CFAP299: variants seen among roughly 807,000 people sequenced by gnomAD.
CFAP299 encodes the protein cilia and flagella associated protein 299.
In CFAP299, 21 loss-of-function variants were observed where a neutral mutation model predicts 27.0. The ratio of observed to expected loss-of-function variants is 0.78; its 90% CI spans 0.55 to 1.12. The LOEUF (loss-of-function observed/expected upper bound fraction) is 1.12, where lower values mean the gene tolerates loss of function less well. Among genes scored for constraint, CFAP299 ranks in the 50% most tolerant of loss-of-function variants. The pLI is 0.00. For synonymous variants in CFAP299, 104 were observed against 98.1 expected, an observed-to-expected ratio of 1.06 and a Z score of -0.36; for missense variants, 310 against 276.6, an observed-to-expected ratio of 1.12 and a Z score of -0.86.
chr4:80,358,142 T>C (rs530184043), intron 1 of CFAP299, among the ~76,000 whole-genome samples: 1 of 152,028 alleles, frequency 6.6e-6, no homozygotes, highest in Non-Finnish European at 1.5e-5. Context: ...CTGTAATTTA[T>C]GGTTTTGATT....
intron 2 of CFAP299, among the ~76,000 whole-genome samples, chr4:80,494,668 C>T (rs143378894): frequency 1.0e-3 from 153 of 152,228 alleles, no homozygotes; most frequent in African/African-American, 3.5e-3. Context: ...TTCTGTGGCA[C>T]GTTCTATAGG....
chr4:80,650,749 C>T (rs1740236810), intron 3 of CFAP299, among the ~76,000 whole-genome samples: 2 of 151,996 alleles, frequency 1.3e-5, no homozygotes, highest in South Asian at 4.1e-4. Context: ...TCTTTGTTTT[C>T]TTTTTTGTTA....
rs116585641 is a variant in CFAP299 at position 80,520,045 on chromosome 4, C to T, written c.243-63048C>T. 7.5e-3 allele frequency among the ~76,000 whole-genome samples: 1,143 copies of T among 152,214 alleles called. 13 individuals are homozygous for T. The highest frequency in any genetic ancestry group is 0.026 in the African/African-American group (1,095 of 41,520). ...ACATCTTCCTTGCCTCCCCTATCTCCGTTCTAGGCTAATACTAATTTGGAG... is the reference window on the plus strand; with the variant it reads ...ACATCTTCCTTGCCTCCCCTATCTCTGTTCTAGGCTAATACTAATTTGGAG... On this transcript the variant is annotated intron_variant, in intron 2 of 5. Transcript: ENST00000358105.
At chr4:80,615,672 G>A (rs1403525073) in intron 3 of CFAP299, among the ~76,000 whole-genome samples, 1 of 151,940 alleles carries the variant, frequency 6.6e-6, no homozygotes, top group Non-Finnish European at 1.5e-5. Flanking sequence ...AAGTAGCTGG[G>A]ATCCCAGGTG....
intron 2 of CFAP299, among the ~76,000 whole-genome samples, chr4:80,534,386 T>C (rs1283107999): frequency 2.0e-5 from 3 of 151,740 alleles, no homozygotes; most frequent in African/African-American, 7.2e-5. Context: ...AGATAACTTT[T>C]ACCACATAGT....
intron 3 of CFAP299, among the ~76,000 whole-genome samples, chr4:80,697,125 C>A (rs1721150717): frequency 2.0e-5 from 3 of 151,956 alleles, no homozygotes; most frequent in Admixed American, 2.0e-4. Context: ...AGGAGGATTG[C>A]TTGAACCTAG....
intron 3 of CFAP299, among the ~76,000 whole-genome samples, chr4:80,688,256 G>T (rs1264353377): frequency 6.6e-6 from 1 of 152,218 alleles, no homozygotes; most frequent in African/African-American, 2.4e-5. Context: ...CAAACAAAAA[G>T]ACAGCAGTAA....
chr4:80,782,556 GAT>G (rs1293794899), intron 3 of CFAP299, among the ~76,000 whole-genome samples: 5 of 137,634 alleles, frequency 3.6e-5, no homozygotes, highest in Non-Finnish European at 7.7e-5. Flanking sequence ...ATAACATATT[GAT>G]ATATAATATA....
At chr4:80,894,037 T>TA (rs890125935) in intron 4 of CFAP299, among the ~76,000 whole-genome samples, 39 of 149,938 alleles carry the variant, frequency 2.6e-4, no homozygotes, top group South Asian at 1.1e-3. Context: ...ATAACCCAAT[T>TA]AAAAAAAAAT....
intron 2 of CFAP299, among the ~76,000 whole-genome samples, chr4:80,545,416 G>A (rs978549757): frequency 6.6e-6 from 1 of 151,980 alleles, no homozygotes; most frequent in Admixed American, 6.6e-5. Flanking sequence ...CTAAAAGTTG[G>A]TTTATTACAA....
chr4:80,877,702 C>A (rs1258436529), intron 4 of CFAP299, among the ~76,000 whole-genome samples: 1 of 152,070 alleles, frequency 6.6e-6, no homozygotes, highest in Non-Finnish European at 1.5e-5. Context: ...TTCAGTTTAA[C>A]CGTTTAAAGT....
chr4:80,826,365 T>C (rs567122623), intron 3 of CFAP299, among the ~76,000 whole-genome samples: 1 of 151,872 alleles, frequency 6.6e-6, no homozygotes, highest in East Asian at 1.9e-4. Flanking sequence ...AGTTTCTTCT[T>C]ATCAGTAATT....
At chr4:80,552,029 G>A (rs545721164) in intron 2 of CFAP299, among the ~76,000 whole-genome samples, 6 of 152,144 alleles carry the variant, frequency 3.9e-5, no homozygotes, top group Admixed American at 2.0e-4. Context: ...GATTACAGGC[G>A]TGAGCCACCA....
chr4:80,809,119 CTATT>C (rs1467145380), intron 3 of CFAP299, among the ~76,000 whole-genome samples: 1 of 152,130 alleles, frequency 6.6e-6, no homozygotes, highest in African/African-American at 2.4e-5. Context: ...AGCCAACAAA[CTATT>C]TATAGCTGGG....
intron 3 of CFAP299, among the ~76,000 whole-genome samples, chr4:80,745,975 A>C (rs187125530): frequency 2.0e-5 from 3 of 152,160 alleles, no homozygotes; most frequent in East Asian, 3.9e-4. Context: ...TCAATTTCTA[A>C]TTCATTTGTT....
At chr4:80,565,338 C>A (rs1735226368) in intron 2 of CFAP299, among the ~76,000 whole-genome samples, 1 of 151,934 alleles carries the variant, frequency 6.6e-6, no homozygotes, top group South Asian at 2.1e-4. Context: ...ATGGCATAAT[C>A]CCCTGAATAT....
intron 3 of CFAP299, among the ~76,000 whole-genome samples, chr4:80,648,429 C>T (rs1334035787): frequency 6.6e-6 from 1 of 152,098 alleles, no homozygotes; most frequent in Non-Finnish European, 1.5e-5. Flanking sequence ...ATGATCCTCT[C>T]CTTAACTGTT....
intron 3 of CFAP299, among the ~76,000 whole-genome samples, chr4:80,768,274 G>T (rs1447166348): frequency 6.6e-6 from 1 of 152,066 alleles, no homozygotes; most frequent in South Asian, 2.1e-4. Context: ...GAATTAGGAT[G>T]GTGACAACTA....
At chr4:80,648,427 C>T (rs970322) in intron 3 of CFAP299, among the ~76,000 whole-genome samples, 10,583 of 152,206 alleles carry the variant, frequency 0.07, 832 homozygotes, top group African/African-American at 0.19. Flanking sequence ...GTATGATCCT[C>T]TCCTTAACTG....
Sources: gnomAD v4.1 joint callset for allele counts (sites outside exome capture counted in the v4.1 genomes callset) on GRCh38, gnomAD v4.1.1 for gene constraint, MANE v1.5 for transcripts, NCBI Gene and HGNC (gene_info 2026-07-23, HGNC 2026-07-21) for gene names.